The following SLC38A10 variants were observed in gnomAD, a reference collection of about 807,000 sequenced individuals.
SLC38A10 encodes the protein Sodium-coupled neutral amino acid transporter 10.
SLC38A10 carries 53 observed loss-of-function variants against 81.0 expected under a neutral mutation model. The observed-to-expected ratio is 0.65, with a 90% CI of 0.53 to 0.82. SLC38A10 has a LOEUF of 0.82. SLC38A10 is among the 40% of genes least tolerant of loss of function. The pLI, the probability that SLC38A10 is intolerant of heterozygous loss-of-function variation, is 0.00. For synonymous variants in SLC38A10, 665 were observed against 655.3 expected, an observed-to-expected ratio of 1.01 and a Z score of -0.23; for missense variants, 1,471 against 1,545.0, an observed-to-expected ratio of 0.95 and a Z score of 0.80.
At chr17:81,256,023 G>A (rs925663670) in intron 11 of SLC38A10, among the ~76,000 whole-genome samples, 1 of 152,206 alleles carries the variant, frequency 6.6e-6, no homozygotes, top group Non-Finnish European at 1.5e-5. Context: ...CACGACCCGT[G>A]ACCATCATTG....
chr17:81,264,012 C>T (rs562033683), intron 10 of SLC38A10: 4 of 152,430 alleles, frequency 2.6e-5, no homozygotes, highest in East Asian at 1.9e-4. Context: ...GAGTGGACGC[C>T]GCAGTCCCCG....
intron 1 of SLC38A10, among the ~76,000 whole-genome samples, chr17:81,290,960 T>A (rs1044479078): frequency 6.6e-6 from 1 of 151,742 alleles, no homozygotes; most frequent in African/African-American, 2.4e-5. Flanking sequence ...TGAGCCGAGA[T>A]TGCGCCACTG....
At position 81,283,950 on chromosome 17, in the gene SLC38A10, G is replaced by A. The variant is rs773987270; in HGVS notation, c.264-448C>T. ...AAACGCGCCCCAGTTCACAGGGCGC[G>A]GGCAGGTTCTGTGGCGCTCGCTATG... On this transcript the variant is annotated intron_variant, in intron 3 of 15. Coordinates refer to ENST00000374759, the MANE Select transcript of SLC38A10 (RefSeq NM_001037984.3). This position sits in a 1 kb window ranked among gnomAD's most constrained non-coding sequence, Gnocchi z 4.7. Among the ~76,000 whole-genome samples the A allele has an allele frequency of 1.3e-5, 2 of 151,826 alleles. No homozygotes were observed. The highest frequency in any genetic ancestry group is 6.6e-5 in the Admixed American group (1 of 15,228).
At chr17:81,273,582 T>C (rs540554846) in intron 8 of SLC38A10, among the ~76,000 whole-genome samples, 1 of 152,256 alleles carries the variant, frequency 6.6e-6, no homozygotes, top group South Asian at 2.1e-4. Flanking sequence ...AGAATGGACT[T>C]TTACATAGGA....
At position 81,282,172 on chromosome 17, in the gene SLC38A10, G is replaced by A. The variant is rs374449738; in HGVS notation, c.501+17C>T. On this transcript the variant is annotated intron_variant, in intron 5 of 15. Coordinates refer to ENST00000374759, the MANE Select transcript of SLC38A10 (RefSeq NM_001037984.3). ...GAGCAGCCTTTCAGCGGGTACCCAC[G>A]CGCGCTGCCGACTCACCACGAACAT... The A allele has an allele frequency of 2.9e-5, 46 of 1,612,072 alleles. No individual in the cohort carries two copies. Among genetic ancestry groups the A allele is most frequent in the African/African-American group, 4.0e-5 (3 of 74,912 alleles).
At chr17:81,254,392 G>A (rs1035906427) in intron 11 of SLC38A10, among the ~76,000 whole-genome samples, 6 of 152,210 alleles carry the variant, frequency 3.9e-5, no homozygotes, top group African/African-American at 1.4e-4. Context: ...ACCCTACTGG[G>A]TAATAAACTA....
chr17:81,273,600 T>C (rs1269059499), intron 8 of SLC38A10, among the ~76,000 whole-genome samples: 1 of 152,154 alleles, frequency 6.6e-6, no homozygotes, highest in East Asian at 1.9e-4. Context: ...GGATGGACTG[T>C]GGAAGACGGA....
chr17:81,246,329 G>A lies in SLC38A10; in HGVS notation c.2587C>T (p.Pro863Ser). 6 of 1,608,848 alleles carry A rather than the reference G, an allele frequency of 3.7e-6. No homozygotes were observed. The highest frequency in any genetic ancestry group is 5.1e-6 in the Non-Finnish European group (6 of 1,179,692). The change falls in exon 16 of 16, where the codon CCC (proline) becomes TCC (serine). Residue 863 changes from proline (P) to serine (S), a missense_variant. Pro to Ser is a moderately conservative substitution (Grantham distance 74, BLOSUM62 -1). This residue lies in a region of SLC38A10 where 751 missense variants were observed against 717.4 expected (regional missense o/e 1.05). Transcript: ENST00000374759. Reference sequence around the variant, plus strand: ...TCTGGGCCCCCGGCTTCCCTGGCGGGGTCTGGCACGGGCACCTGCTCCGGG... The same window carrying A: ...TCTGGGCCCCCGGCTTCCCTGGCGGAGTCTGGCACGGGCACCTGCTCCGGG... ...KGPEQVPVPD[P>S]AREAGGPEER...
At chr17:81,252,104 G>T in intron 13 of SLC38A10, 91 bp downstream of exon 13, 1 of 1,462,696 alleles carries the variant, frequency 6.8e-7, no homozygotes, top group Non-Finnish European at 9.0e-7. Flanking sequence ...ACTGGGGACT[G>T]AGGGAGGAAC....
chr17:81,257,573 C>T (rs1398131215), intron 11 of SLC38A10, among the ~76,000 whole-genome samples: 1 of 152,272 alleles, frequency 6.6e-6, no homozygotes. Flanking sequence ...CTCCTGCAGC[C>T]TCTGGCCTGT....
chr17:81,273,676 T>C (rs2063136662), intron 8 of SLC38A10, among the ~76,000 whole-genome samples: 1 of 152,000 alleles, frequency 6.6e-6, no homozygotes, highest in Admixed American at 6.6e-5. Context: ...GGGGGTTAGG[T>C]CCATCACACA....
intron 10 of SLC38A10, among the ~76,000 whole-genome samples, chr17:81,260,703 G>A (rs9915999): frequency 0.28 from 43,333 of 152,150 alleles, 6,946 homozygotes; most frequent in African/African-American, 0.41. Flanking sequence ...TGCCCTCCAT[G>A]CCAGCTGGGG....
At chr17:81,254,516 C>T (rs545496411) in intron 11 of SLC38A10, among the ~76,000 whole-genome samples, 81 of 152,302 alleles carry the variant, frequency 5.3e-4, no homozygotes, top group African/African-American at 1.9e-3. Context: ...GGCACAATTT[C>T]GGCTCACTGC....
At chr17:81,263,886 G>C (rs1253681568) in intron 10 of SLC38A10, 2 of 152,672 alleles carry the variant, frequency 1.3e-5, no homozygotes, top group Non-Finnish European at 2.9e-5. Flanking sequence ...GCCAGGGCGG[G>C]AACACGGACC....
chr17:81,280,752 G>C lies in SLC38A10; in HGVS notation c.502-19C>G. On this transcript the variant is annotated intron_variant, in intron 5 of 15. Coordinates refer to ENST00000374759, the MANE Select transcript of SLC38A10 (RefSeq NM_001037984.3). ...GCACGATCTGCAGAGGGAGAGGGGA[G>C]AGAGCACGGGGCAGGTCAGGACGCA... 3 of 1,605,762 alleles carry C rather than the reference G, an allele frequency of 1.9e-6. No homozygotes were observed. The highest frequency in any genetic ancestry group is 2.7e-5 in the African/African-American group (2 of 74,938).
chr17:81,255,351 T>C (rs1299479619), intron 11 of SLC38A10, among the ~76,000 whole-genome samples: 1 of 152,234 alleles, frequency 6.6e-6, no homozygotes, highest in Admixed American at 6.5e-5. Context: ...TCAGGGACAG[T>C]TTGCCGGCAG....
chr17:81,282,548 G>GAGCCC (rs1244199397), intron 4 of SLC38A10, among the ~76,000 whole-genome samples: 1 of 152,182 alleles, frequency 6.6e-6, no homozygotes, highest in East Asian at 1.9e-4. Context: ...CCCCTCCCTG[G>GAGCCC]AGCCCAGCCC....
At chr17:81,269,751 G>C (rs1453899382) in intron 10 of SLC38A10, among the ~76,000 whole-genome samples, 2 of 152,098 alleles carry the variant, frequency 1.3e-5, no homozygotes, top group Non-Finnish European at 2.9e-5. Flanking sequence ...TTGGGAGGTG[G>C]AGGCGGGTGG....
Position 81,272,589 on chromosome 17 carries a change from G to T in SLC38A10, c.951C>A (p.Pro317=). The T allele has an allele frequency of 6.3e-7, 1 of 1,577,304 alleles. No individual in the cohort carries two copies. The highest frequency in any genetic ancestry group is 2.4e-5 in the East Asian group (1 of 42,088). Residue 317 remains proline, a synonymous_variant, in exon 9 of 16, where the codon CCC becomes CCA. Transcript: ENST00000374759. ...DGTFAAGGYM[P]PLRFKALTLS... ...GGGTAAGTGCTTTAAACCGGAGAGG[G>T]GGCATGTAGCCCCCTGCTGCAAAGG...
Sources: allele counts gnomAD v4.1 joint callset (sites outside exome capture counted in the v4.1 genomes callset), GRCh38; gene constraint gnomAD v4.1.1; regional missense constraint gnomAD v4.1.1; non-coding constraint Gnocchi (gnomAD v3.1); transcripts MANE v1.5; gene names NCBI Gene and HGNC (gene_info 2026-07-23, HGNC 2026-07-21).